Variants in BZW2 observed in about 807,000 individuals in gnomAD.
BZW2 encodes basic leucine zipper and W2 domains 2, also known as eIF5-mimic protein 1.
BZW2 carries 23 observed loss-of-function variants against 53.2 expected under a neutral mutation model. The ratio of observed to expected loss-of-function variants is 0.43; its 90% CI spans 0.31 to 0.61. The LOEUF (loss-of-function observed/expected upper bound fraction) is 0.61, where lower values mean the gene tolerates loss of function less well. BZW2 is among the 20% of genes least tolerant of loss of function. BZW2 has a pLI of 0.09. For synonymous variants in BZW2, 227 were observed against 186.4 expected, an observed-to-expected ratio of 1.22 and a Z score of -1.77; for missense variants, 409 against 503.1, an observed-to-expected ratio of 0.81 and a Z score of 1.79.
intron 9 of BZW2, among the ~76,000 whole-genome samples, chr7:16,697,710 C>T (rs560921294): frequency 6.6e-6 from 1 of 152,324 alleles, no homozygotes; most frequent in East Asian, 1.9e-4. Context: ...ATATGAGAAT[C>T]TGCCTATATT....
At chr7:16,685,313 C>T (rs532396835) in intron 5 of BZW2, among the ~76,000 whole-genome samples, 1 of 152,140 alleles carries the variant, frequency 6.6e-6, no homozygotes, top group South Asian at 2.1e-4. Context: ...CCTAGAAAAC[C>T]CCTTTCTCCC....
intron 8 of BZW2, 51 bp downstream of exon 8, chr7:16,695,055 T>G: frequency 6.8e-7 from 1 of 1,460,456 alleles, no homozygotes; most frequent in Non-Finnish European, 9.2e-7. Flanking sequence ...TGAGAGGAAT[T>G]ACATGGGCTG....
At chr7:16,661,690 A>T (rs1782266301) in intron 1 of BZW2, among the ~76,000 whole-genome samples, 1 of 152,126 alleles carries the variant, frequency 6.6e-6, no homozygotes, top group Admixed American at 6.5e-5. Context: ...AGTATCCAAG[A>T]AATGTAGTCT....
chr7:16,662,961 G>T (rs548905421), intron 1 of BZW2, among the ~76,000 whole-genome samples: 1 of 152,196 alleles, frequency 6.6e-6, no homozygotes, highest in South Asian at 2.1e-4. Context: ...AATATATTTT[G>T]TATAATATTT....
In BZW2 at chr7:16,663,991, A is replaced by T. The variant is rs1364181302; in HGVS notation, c.-7-1446A>T. On this transcript the variant is annotated intron_variant, in intron 1 of 11. Coordinates refer to ENST00000258761, the MANE Select transcript of BZW2 (RefSeq NM_014038.3). Reference sequence around the variant, plus strand: ...CCAAAAAGATAAAAAATCTATTAACAGTTTCTTGTAGCCTTCTTAAATTGT... The same window carrying T: ...CCAAAAAGATAAAAAATCTATTAACTGTTTCTTGTAGCCTTCTTAAATTGT... 2.6e-5 allele frequency among the ~76,000 whole-genome samples: 4 copies of T among 152,206 alleles called. No homozygotes were observed. The South Asian group carries it at 6.2e-4, about 24-fold the overall frequency.
intron 1 of BZW2, among the ~76,000 whole-genome samples, chr7:16,654,476 G>T (rs1259626691): frequency 6.7e-6 from 1 of 149,834 alleles, no homozygotes; most frequent in Non-Finnish European, 1.5e-5. Context: ...AGAAAAGATG[G>T]TAGAATTTAA....
chr7:16,698,228 G>T, intron 10 of BZW2, 42 bp downstream of exon 10: 2 of 1,611,730 alleles, frequency 1.2e-6, no homozygotes, highest in South Asian at 1.1e-5. Context: ...GTGTTTTGCT[G>T]AAGCTCTTTG....
At chr7:16,664,460 T>C (rs1488944418) in intron 1 of BZW2, among the ~76,000 whole-genome samples, 3 of 152,196 alleles carry the variant, frequency 2.0e-5, no homozygotes, top group Non-Finnish European at 4.4e-5. Context: ...GGGACGATCT[T>C]TCCTGAAAGA....
At chr7:16,677,072 A>G (rs1224688925) in intron 3 of BZW2, among the ~76,000 whole-genome samples, 1 of 117,506 alleles carries the variant, frequency 8.5e-6, no homozygotes, top group Admixed American at 9.0e-5. Context: ...TTTTTTTGGC[A>G]GTTGCAAGAT....
intron 3 of BZW2, among the ~76,000 whole-genome samples, chr7:16,677,179 A>G (rs961724236): frequency 1.1e-4 from 16 of 151,488 alleles, no homozygotes; most frequent in African/African-American, 3.9e-4. Context: ...CCCAGTCATT[A>G]TCCTTCCCAC....
At chr7:16,675,123 A>G (rs1377816490) in intron 3 of BZW2, among the ~76,000 whole-genome samples, 2 of 152,234 alleles carry the variant, frequency 1.3e-5, no homozygotes, top group South Asian at 4.1e-4. Context: ...GAACAGAGGC[A>G]TCAGGAAAGT....
At chr7:16,656,097 A>T (rs1423885865) in intron 1 of BZW2, among the ~76,000 whole-genome samples, 1 of 150,000 alleles carries the variant, frequency 6.7e-6, no homozygotes, top group Non-Finnish European at 1.5e-5. Context: ...GTGTGTGTGT[A>T]TGTATATATA....
chr7:16,668,611 A>G (rs1046323107), intron 2 of BZW2, among the ~76,000 whole-genome samples: 1 of 152,158 alleles, frequency 6.6e-6, no homozygotes. Flanking sequence ...GTGATTAGCA[A>G]TTTTGTAGAG....
intron 1 of BZW2, among the ~76,000 whole-genome samples, chr7:16,660,205 A>C (rs2128352292): frequency 6.6e-6 from 1 of 151,948 alleles, no homozygotes; most frequent in East Asian, 1.9e-4. Context: ...TAGACTCCAA[A>C]GTCTTTTTTC....
chr7:16,661,723 T>G (rs1249171872), intron 1 of BZW2, among the ~76,000 whole-genome samples: 3 of 152,088 alleles, frequency 2.0e-5, no homozygotes, highest in South Asian at 4.1e-4. Context: ...GTGAAATACT[T>G]AAGTCCATTT....
At chr7:16,689,717 A>G in intron 6 of BZW2, 80 bp from the exon 7 acceptor site, 1 of 1,191,340 alleles carries the variant, frequency 8.4e-7, no homozygotes, top group Non-Finnish European at 1.2e-6. Flanking sequence ...TACACATTTC[A>G]GGAAACCTGG....
intron 5 of BZW2, among the ~76,000 whole-genome samples, chr7:16,683,788 AAAGTAAAAAACC>A (rs1474608593): frequency 1.3e-5 from 2 of 152,210 alleles, no homozygotes; most frequent in Non-Finnish European, 2.9e-5. Context: ...ATAACTATCT[AAAGTAAAAAACC>A]AAGTGAAAAA....
In BZW2 at chr7:16,704,630, A is replaced by G. The variant is rs1192097564; in HGVS notation, c.1192A>G (p.Met398Val). The G allele has an allele frequency of 1.3e-6, 2 of 1,592,712 alleles. No homozygotes were observed. The highest frequency in any genetic ancestry group is 8.6e-7 in the Non-Finnish European group (1 of 1,163,914). ...AGGCAAAAGTGTTTTTCTTGACCAGATGAAGAAATTTGTTGAGTGGTTACA... is the reference window on the plus strand; with the variant it reads ...AGGCAAAAGTGTTTTTCTTGACCAGGTGAAGAAATTTGTTGAGTGGTTACA... ...AKGKSVFLDQ[M>V]KKFVEWLQNA... The change falls in exon 11 of 12, where the codon ATG becomes GTG. Residue 398 changes from methionine to valine, a missense_variant. Met to Val is a conservative substitution (Grantham distance 21). Around this residue, in one of 3 missense-constraint regions of BZW2, gnomAD observed 88 missense variants for 114.6 expected, o/e 0.77. Transcript: ENST00000258761.
intron 6 of BZW2, chr7:16,688,578 C>A (rs1783203572): frequency 6.6e-6 from 1 of 152,108 alleles, no homozygotes; most frequent in Non-Finnish European, 1.5e-5. Context: ...TAAAAGGGGA[C>A]CTCTTTTAGG....
Sources: gnomAD v4.1 joint callset for allele counts (sites outside exome capture counted in the v4.1 genomes callset) on GRCh38, gnomAD v4.1.1 for gene constraint, gnomAD v4.1.1 regional missense constraint, MANE v1.5 for transcripts, NCBI Gene and HGNC (gene_info 2026-07-23, HGNC 2026-07-21) for gene names.